The following HTR2C variants were observed in gnomAD, a reference collection of about 807,000 sequenced individuals.
HTR2C encodes the protein 5-hydroxytryptamine (serotonin) receptor 2C, G protein-coupled.
Under a neutral mutation model 21.0 loss-of-function variants are expected in HTR2C, and 5 were observed. The observed-to-expected ratio is 0.24, with a 90% CI of 0.12 to 0.50. The LOEUF (loss-of-function observed/expected upper bound fraction) is 0.50, where lower values mean the gene tolerates loss of function less well. Ranked by LOEUF, HTR2C falls within the 20% of genes least tolerant of loss-of-function variation. HTR2C has a pLI of 0.98. For synonymous variants in HTR2C, 150 were observed against 145.3 expected (o/e 1.03, Z -0.23); for missense variants, 271 against 371.2 (o/e 0.73, Z 2.22).
intron 2 of HTR2C, chrX:114,715,125 G>A (rs1932964637): frequency 4.4e-6 from 1 of 227,112 alleles, no homozygotes; most frequent in South Asian, 6.2e-5. Context: ...TTTTCCAGAT[G>A]AGACAGCAAA....
chrX:114,694,262 A>G (rs781955089), intron 2 of HTR2C, among the ~76,000 whole-genome samples: 66 of 110,267 alleles, frequency 6.0e-4, no homozygotes, highest in South Asian at 5.7e-3. Context: ...CATGGCTTCC[A>G]TTTATTAGTA....
chrX:114,732,889 A>T (rs2069550108), intron 4 of HTR2C, among the ~76,000 whole-genome samples: 1 of 112,026 alleles, frequency 8.9e-6, no homozygotes, highest in Admixed American at 9.5e-5. Flanking sequence ...GCCCAAATAA[A>T]CAAAGAACAA....
At chrX:114,738,467 C>T (rs1556424895) in intron 4 of HTR2C, among the ~76,000 whole-genome samples, 1 of 111,433 alleles carries the variant, frequency 9.0e-6, no homozygotes, top group African/African-American at 3.3e-5. Context: ...AAAAAGAATA[C>T]ACCACGACCA....
At chrX:114,850,840 C>T (rs1052999352) in intron 5 of HTR2C, among the ~76,000 whole-genome samples, 6 of 110,930 alleles carry the variant, frequency 5.4e-5, no homozygotes, top group Admixed American at 4.8e-4. Flanking sequence ...AATAAGACAA[C>T]TATATGTTAC....
chrX:114,595,222 C>A (rs1437520206), intron 1 of HTR2C, among the ~76,000 whole-genome samples: 1 of 111,056 alleles, frequency 9.0e-6, no homozygotes, highest in Non-Finnish European at 1.9e-5. Context: ...GAATTCCATT[C>A]TTTTTATTTT....
intron 2 of HTR2C, among the ~76,000 whole-genome samples, chrX:114,688,225 G>A (rs1931982734): frequency 1.9e-5 from 2 of 107,739 alleles, no homozygotes; most frequent in Admixed American, 2.0e-4. Flanking sequence ...CGAGGCTGAG[G>A]CAATAGAATC....
chrX:114,622,825 C>T (rs1229695819), intron 2 of HTR2C, among the ~76,000 whole-genome samples: 2 of 111,994 alleles, frequency 1.8e-5, no homozygotes, highest in African/African-American at 6.5e-5. Flanking sequence ...AGTTAATCTT[C>T]CATCTTCCAG....
At chrX:114,587,500 T>G (rs1927450093) in intron 1 of HTR2C, among the ~76,000 whole-genome samples, 1 of 112,278 alleles carries the variant, frequency 8.9e-6, no homozygotes, top group South Asian at 3.7e-4. Context: ...TAAATTGAAG[T>G]TAATAATATA....
At chrX:114,805,637 CATATATATACA>C in intron 4 of HTR2C, among the ~76,000 whole-genome samples, 1 of 5,264 alleles carries the variant, frequency 1.9e-4, no homozygotes, top group Non-Finnish European at 3.1e-4. Context: ...ATATATATAC[CATATATATACA>C]CCATATATAT....
rs1379632771 is a variant in HTR2C, at chrX:114,893,036, C to G, written c.551-13553C>G. Among the ~76,000 whole-genome samples, 3 of 109,161 alleles carry G rather than the reference C, an allele frequency of 2.7e-5. No individual in the cohort carries two copies. The East Asian group carries it at 8.6e-4, about 31-fold the overall frequency. The allele number at this position is 109,161 out of a possible 115,157, so 94.8% of individuals were successfully genotyped here. ...CCAGCGATTCTCCTGCCTCAGCCTC[C>G]CAAGTAGCTGGGATTACAGGCGCCC... On this transcript the variant is annotated intron_variant, in intron 5 of 5. Coordinates refer to ENST00000276198, the MANE Select transcript of HTR2C (RefSeq NM_000868.4).
intron 2 of HTR2C, among the ~76,000 whole-genome samples, chrX:114,647,736 A>G (rs782398860): frequency 9.7e-4 from 109 of 112,723 alleles, no homozygotes; most frequent in Non-Finnish European, 1.6e-3. Context: ...GGTTGGCACT[A>G]TCAGTGCAGG....
At chrX:114,655,125 T>C (rs2147837503) in intron 2 of HTR2C, among the ~76,000 whole-genome samples, 1 of 110,290 alleles carries the variant, frequency 9.1e-6, no homozygotes, top group Admixed American at 9.7e-5. Context: ...AGGAATCAGA[T>C]GCTTACTAGT....
At chrX:114,797,652 A>T (rs781905730) in intron 4 of HTR2C, among the ~76,000 whole-genome samples, 4 of 112,118 alleles carry the variant, frequency 3.6e-5, no homozygotes, top group South Asian at 7.3e-4. Context: ...ACATTGTTCC[A>T]TAAGTGTTCT....
chrX:114,606,295 G>T (rs944985128), intron 1 of HTR2C, among the ~76,000 whole-genome samples: 2 of 111,065 alleles, frequency 1.8e-5, no homozygotes, highest in Admixed American at 1.9e-4. Context: ...AAGGGGTAGA[G>T]ACAAGGAGAG....
chrX:114,750,609 A>G (rs1020950216), intron 4 of HTR2C, among the ~76,000 whole-genome samples: 2 of 111,997 alleles, frequency 1.8e-5, no homozygotes, highest in African/African-American at 6.5e-5. Flanking sequence ...ATTCTCGCAA[A>G]CCATATGAGT....
chrX:114,808,671 A>G (rs782444872), intron 4 of HTR2C, among the ~76,000 whole-genome samples: 33 of 111,614 alleles, frequency 3.0e-4, no homozygotes, highest in Non-Finnish European at 5.5e-4. Flanking sequence ...AACCGGGGTG[A>G]GATGATACCT....
At chrX:114,902,650 A>G (rs1349398308) in intron 5 of HTR2C, among the ~76,000 whole-genome samples, 1 of 110,713 alleles carries the variant, frequency 9.0e-6, no homozygotes, top group Non-Finnish European at 1.9e-5. Context: ...TTGTTCTGTC[A>G]CCCAGGCTGG....
intron 5 of HTR2C, among the ~76,000 whole-genome samples, chrX:114,849,364 G>A (rs2070897926): frequency 8.9e-6 from 1 of 112,030 alleles, no homozygotes. Flanking sequence ...TTGTGCTAAA[G>A]GCAAATAAAC....
intron 1 of HTR2C, among the ~76,000 whole-genome samples, chrX:114,608,726 G>T (rs1556397872): frequency 3.6e-5 from 4 of 111,385 alleles, no homozygotes. Context: ...TAAATAAAAA[G>T]GAAGTCATCC....
Sources: allele counts gnomAD v4.1 joint callset (sites outside exome capture counted in the v4.1 genomes callset), GRCh38; gene constraint gnomAD v4.1.1; transcripts MANE v1.5; gene names NCBI Gene and HGNC (gene_info 2026-07-23, HGNC 2026-07-21).